NR2C2: variants seen among roughly 807,000 people sequenced by gnomAD.
NR2C2 encodes Nuclear hormone receptor TR4.
A neutral mutation model predicts 62.9 loss-of-function variants in NR2C2; 6 were observed. That is an observed-to-expected ratio of 0.10 (90% CI 0.05 to 0.19). NR2C2 has a LOEUF of 0.19. Ranked by LOEUF, NR2C2 falls within the 10% of genes least tolerant of loss-of-function variation. The pLI, the probability that NR2C2 is intolerant of heterozygous loss-of-function variation, is 1.00. For missense variants in NR2C2, 479 were observed against 762.7 expected (o/e 0.63, Z 4.38); for synonymous variants, 272 against 273.8 (o/e 0.99, Z 0.07).
At chr3:14,979,599 ATGAAG>A (rs1240993130) in intron 1 of NR2C2, among the ~76,000 whole-genome samples, 1 of 152,162 alleles carries the variant, frequency 6.6e-6, no homozygotes, top group Non-Finnish European at 1.5e-5. Context: ...AGAAACCTGA[ATGAAG>A]TGAGAGAATT....
At chr3:15,041,367 T>C (rs2042259550) in intron 13 of NR2C2, among the ~76,000 whole-genome samples, 1 of 152,114 alleles carries the variant, frequency 6.6e-6, no homozygotes, top group Non-Finnish European at 1.5e-5. Context: ...AGATGGCAGG[T>C]CCCTTACACC....
At chr3:15,005,965 G>A (rs1324454505) in intron 2 of NR2C2, among the ~76,000 whole-genome samples, 1 of 152,110 alleles carries the variant, frequency 6.6e-6, no homozygotes, top group Non-Finnish European at 1.5e-5. Flanking sequence ...CAGCACTTAG[G>A]GAGGCTGAAG....
At chr3:15,021,600 A>G (rs1161452586) in intron 5 of NR2C2, among the ~76,000 whole-genome samples, 1 of 152,184 alleles carries the variant, frequency 6.6e-6, no homozygotes, top group Non-Finnish European at 1.5e-5. Flanking sequence ...GGGCAGCACA[A>G]AGAAATCCAA....
At chr3:14,951,765 T>G (rs2039368257) in intron 1 of NR2C2, among the ~76,000 whole-genome samples, 1 of 151,670 alleles carries the variant, frequency 6.6e-6, no homozygotes, top group Non-Finnish European at 1.5e-5. Flanking sequence ...TTTTTTTTTG[T>G]TTTTGGGAGT....
chr3:15,020,613 A>G (rs753340894), intron 4 of NR2C2, 140 bp from the exon 5 acceptor site: 1 of 805,718 alleles, frequency 1.2e-6, no homozygotes. Context: ...CTTAATGCTC[A>G]GGCCACGTGG....
At chr3:14,959,148 T>C (rs1342188820) in intron 1 of NR2C2, 1 of 152,248 alleles carries the variant, frequency 6.6e-6, no homozygotes, top group African/African-American at 2.4e-5. Flanking sequence ...GTGATCTTTC[T>C]GTCTCTAGGA....
chr3:15,005,368 C>CTTT (rs761731325), intron 2 of NR2C2, among the ~76,000 whole-genome samples: 116 of 82,990 alleles, frequency 1.4e-3, no homozygotes, highest in African/African-American at 2.2e-3. Context: ...ACGCATAATG[C>CTTT]TTTTTTTTTT....
intron 1 of NR2C2, among the ~76,000 whole-genome samples, chr3:14,973,054 T>G (rs1192022788): frequency 6.6e-6 from 1 of 152,206 alleles, no homozygotes; most frequent in Non-Finnish European, 1.5e-5. Context: ...ATATATGATT[T>G]GCAAGTACTT....
chr3:14,976,092 A>C (rs567966709), intron 1 of NR2C2, among the ~76,000 whole-genome samples: 4 of 152,164 alleles, frequency 2.6e-5, no homozygotes, highest in African/African-American at 7.2e-5. Context: ...CTGTTCCTTC[A>C]TGATGCAGTC....
At chr3:14,957,614 C>T (rs999412545) in intron 1 of NR2C2, among the ~76,000 whole-genome samples, 11 of 152,076 alleles carry the variant, frequency 7.2e-5, no homozygotes, top group African/African-American at 2.2e-4. Context: ...TAAGGTCTCA[C>T]GATGTTGCCC....
intron 8 of NR2C2, 25 bp downstream of exon 8, chr3:15,028,744 T>TC: frequency 6.2e-7 from 1 of 1,607,714 alleles, no homozygotes; most frequent in Non-Finnish European, 8.5e-7. Context: ...GGATGGAGTC[T>TC]CCCCTCCTCG....
chr3:14,948,719 G>C (rs1349976947), intron 1 of NR2C2: 1 of 152,344 alleles, frequency 6.6e-6, no homozygotes, highest in African/African-American at 2.4e-5. Context: ...AGGAACAATA[G>C]TAATAAAGGT....
chr3:15,044,213 T>C lies in NR2C2; in HGVS notation c.*1205T>C, dbSNP rs1342919191. On this transcript the variant is annotated 3_prime_UTR_variant, in exon 14 of 14. Transcript: ENST00000425241. ...GGATGGAAGGTTTCAGGACAATTTC[T>C]TCCTGTTGACCTTAAATACCAGAGA... The C allele has an allele frequency of 6.6e-6, 1 of 152,214 alleles. No individual in the cohort carries two copies. Among genetic ancestry groups the C allele is most frequent in the African/African-American group, 2.4e-5 (1 of 41,444 alleles). 9.4% of individuals were successfully genotyped at this position (152,214 alleles called of 1,614,324 possible). A position where few individuals can be genotyped will look rare whatever the true frequency, so the allele number is the denominator to read the frequency against.
chr3:15,029,475 C>T (rs1261854194), intron 8 of NR2C2, among the ~76,000 whole-genome samples: 1 of 152,148 alleles, frequency 6.6e-6, no homozygotes. Flanking sequence ...CCTTTGTTCA[C>T]TTGTGGTCTG....
intron 11 of NR2C2, 50 bp from the exon 12 acceptor site, chr3:15,037,950 T>A: frequency 6.4e-7 from 1 of 1,559,280 alleles, no homozygotes; most frequent in South Asian, 1.2e-5. Context: ...AATAAGCTGG[T>A]TTTATTGTTC....
intron 4 of NR2C2, among the ~76,000 whole-genome samples, chr3:15,019,959 A>C (rs1048276243): frequency 1.3e-5 from 2 of 152,234 alleles, no homozygotes; most frequent in Non-Finnish European, 2.9e-5. Context: ...TGGTCACTCT[A>C]TCTGATTTGA....
Position 14,955,423 on chromosome 3 carries a change from T to C in NR2C2, c.-40+7517T>C, listed in dbSNP as rs181906948. On this transcript the variant is annotated intron_variant, in intron 1 of 13. Transcript: ENST00000425241. ...CAATTTTTGTTCCCTTAGATAATTC[T>C]TTCCTGTCACTTTTTTTTTTCATTC... is the stretch of plus-strand genomic sequence containing the variant. 8.5e-5 allele frequency among the ~76,000 whole-genome samples: 13 copies of C among 152,304 alleles called. No individual in the cohort carries two copies. In the East Asian group the frequency reaches 2.1e-3, roughly 25 times the overall value.
intron 11 of NR2C2, 82 bp downstream of exon 11, chr3:15,034,891 G>A: frequency 2.2e-6 from 3 of 1,392,942 alleles, no homozygotes; most frequent in South Asian, 1.5e-5. Context: ...CCTGGTTGGA[G>A]GCTCATGTCA....
rs1371556078 is a variant in NR2C2, at chr3:15,046,733, T to C, written c.*3725T>C. On this transcript the variant is annotated 3_prime_UTR_variant, in exon 14 of 14. Transcript: ENST00000425241. ...GTCCAGGTCATAGGAAGTCTCATCA[T>C]CTGACAGCCACTTTTCTCCCAGGGA... 1.3e-5 allele frequency: 2 copies of C among 152,650 alleles called. No individual in the cohort carries two copies. The highest frequency in any genetic ancestry group is 1.3e-4 in the Admixed American group (2 of 15,284). 9.5% of individuals were successfully genotyped at this position (152,650 alleles called of 1,614,324 possible). A position where few individuals can be genotyped will look rare whatever the true frequency, so the allele number is the denominator to read the frequency against.
Sources: allele counts gnomAD v4.1 joint callset (sites outside exome capture counted in the v4.1 genomes callset), GRCh38; gene constraint gnomAD v4.1.1; transcripts MANE v1.5; gene names NCBI Gene and HGNC (gene_info 2026-07-23, HGNC 2026-07-21).